C6: variants seen among roughly 807,000 people sequenced by gnomAD.
The protein encoded by C6 is complement C6, also known as complement component C6.
A neutral mutation model predicts 112.9 loss-of-function variants in C6; 101 were observed. That is an observed-to-expected ratio of 0.89 (90% CI 0.76 to 1.06). C6 has a LOEUF of 1.06. Among genes scored for constraint, C6 ranks in the 50% least tolerant of loss-of-function variants. C6 has a pLI of 0.00. For missense variants in C6, 1,202 were observed against 1,104.6 expected, an observed-to-expected ratio of 1.09 and a Z score of -1.25; for synonymous variants, 431 against 384.1, an observed-to-expected ratio of 1.12 and a Z score of -1.43.
chr5:41,206,053 G>T (rs558827977), intron 1 of C6, among the ~76,000 whole-genome samples: 3 of 152,320 alleles, frequency 2.0e-5, no homozygotes, highest in East Asian at 3.9e-4. Context: ...AACATTTGCC[G>T]TTCTGCAGTG....
chr5:41,153,083 T>A (rs1746563340), intron 15 of C6: 1 of 152,274 alleles, frequency 6.6e-6, no homozygotes, highest in African/African-American at 2.4e-5. Flanking sequence ...CACATCTTCA[T>A]GAAGCAGAAC....
chr5:41,151,644 A>T (rs1275075337), intron 15 of C6, among the ~76,000 whole-genome samples: 1 of 152,150 alleles, frequency 6.6e-6, no homozygotes, highest in Non-Finnish European at 1.5e-5. Flanking sequence ...TGTGGATGAG[A>T]TTCTTCAGTA....
intron 9 of C6, among the ~76,000 whole-genome samples, chr5:41,170,310 G>T (rs1457144046): frequency 1.3e-5 from 2 of 151,556 alleles, no homozygotes; most frequent in Non-Finnish European, 2.9e-5. Flanking sequence ...TATTTTTAAA[G>T]AATTATATTT....
chr5:41,256,823 A>T (rs1741744028), intron 1 of C6, among the ~76,000 whole-genome samples: 1 of 152,118 alleles, frequency 6.6e-6, no homozygotes, highest in South Asian at 2.1e-4. Context: ...AAGGGAACAC[A>T]TTTTACAAAT....
chr5:41,211,032 A>G (rs901349477), intron 1 of C6, among the ~76,000 whole-genome samples: 2 of 152,242 alleles, frequency 1.3e-5, no homozygotes, highest in African/African-American at 4.8e-5. Flanking sequence ...TGTGGCACAT[A>G]TACACCATGG....
At chr5:41,143,160 A>T (rs1745507282) in intron 17 of C6, among the ~76,000 whole-genome samples, 154 bp from the exon 18 acceptor site, 5 of 152,150 alleles carry the variant, frequency 3.3e-5, no homozygotes, top group Admixed American at 3.3e-4. Flanking sequence ...AAAAAATAAA[A>T]ATTAAAAACA....
intron 3 of C6, among the ~76,000 whole-genome samples, chr5:41,200,981 T>G (rs1161126495): frequency 1.0e-4 from 15 of 147,886 alleles, no homozygotes. Context: ...TATCTAAAAA[T>G]TTTTGAGTAC....
chr5:41,219,697 A>T (rs1360282411), intron 1 of C6, among the ~76,000 whole-genome samples: 1 of 152,176 alleles, frequency 6.6e-6, no homozygotes, highest in Non-Finnish European at 1.5e-5. Context: ...AGGCAAAGAA[A>T]GACATGCTGT....
intron 1 of C6, among the ~76,000 whole-genome samples, chr5:41,205,410 A>G (rs2150375021): frequency 6.6e-6 from 1 of 152,328 alleles, no homozygotes; most frequent in East Asian, 1.9e-4. Flanking sequence ...TGTGAGCTGA[A>G]GAAGGGCGGG....
upstream of C6, among the ~76,000 whole-genome samples, chr5:41,214,236 TG>T (rs1752108588): frequency 6.6e-6 from 1 of 152,224 alleles, no homozygotes; most frequent in Admixed American, 6.5e-5. Flanking sequence ...TATACCTCAT[TG>T]GAACACTGGT....
intron 10 of C6, among the ~76,000 whole-genome samples, chr5:41,160,844 A>G (rs1199411953): frequency 6.6e-6 from 1 of 152,160 alleles, no homozygotes; most frequent in Non-Finnish European, 1.5e-5. Flanking sequence ...GTGGGAGAAA[A>G]TGAAGAAATA....
At chr5:41,161,304 A>G (rs1747471521) in intron 10 of C6, among the ~76,000 whole-genome samples, 1 of 152,208 alleles carries the variant, frequency 6.6e-6, no homozygotes. Flanking sequence ...AATCTCATTT[A>G]TCTCACAGAG....
intron 1 of C6, among the ~76,000 whole-genome samples, chr5:41,224,761 T>C (rs1171344554): frequency 6.6e-6 from 1 of 152,184 alleles, no homozygotes; most frequent in Admixed American, 6.6e-5. Flanking sequence ...ACTGAATATA[T>C]ATCTAGGAGT....
At chr5:41,237,257 G>A (rs376930107) in intron 1 of C6, among the ~76,000 whole-genome samples, 6 of 119,250 alleles carry the variant, frequency 5.0e-5, no homozygotes, top group South Asian at 6.4e-4. Context: ...TACCAAAGCC[G>A]GGCAGAGACA....
intron 11 of C6, 24 bp from the exon 12 acceptor site, chr5:41,159,277 C>T (rs745746350): frequency 1.2e-6 from 2 of 1,610,430 alleles, no homozygotes; most frequent in Non-Finnish European, 1.7e-6. Flanking sequence ...AGACTCACTC[C>T]CATGGATCAT....
intron 1 of C6, among the ~76,000 whole-genome samples, chr5:41,204,905 G>A (rs374210662): frequency 3.9e-5 from 6 of 151,928 alleles, no homozygotes; most frequent in Non-Finnish European, 5.9e-5. Flanking sequence ...TCCTGACCTC[G>A]TGATCAGCCC....
chr5:41,176,906 T>C (rs1748904339), intron 7 of C6, among the ~76,000 whole-genome samples, 191 bp from the exon 8 acceptor site: 1 of 135,046 alleles, frequency 7.4e-6, no homozygotes, highest in South Asian at 2.3e-4. Flanking sequence ...ATGTCCAATG[T>C]GCAAAACAGG....
At chr5:41,204,670 C>CTTTTTTTTTT (rs1196116815) in intron 1 of C6, among the ~76,000 whole-genome samples, 2 of 98,584 alleles carry the variant, frequency 2.0e-5, no homozygotes, top group African/African-American at 7.7e-5. Flanking sequence ...TTTTTTTTTT[C>CTTTTTTTTTT]TTTTTTTTTT....
chr5:41,155,181 T>C (rs1182459507), intron 13 of C6, 77 bp from the exon 14 acceptor site: 17 of 1,361,388 alleles, frequency 1.2e-5, no homozygotes, highest in Non-Finnish European at 1.5e-5. Flanking sequence ...ACACTGATCC[T>C]TTCTATCCTT....
Sources: gnomAD v4.1 joint callset for allele counts (sites outside exome capture counted in the v4.1 genomes callset) on GRCh38, gnomAD v4.1.1 for gene constraint, MANE v1.5 for transcripts, NCBI Gene and HGNC (gene_info 2026-07-23, HGNC 2026-07-21) for gene names.